The following ANKRD55 variants were observed in gnomAD, a reference collection of about 807,000 sequenced individuals.
ANKRD55 encodes ankyrin repeat domain-containing protein 55.
In ANKRD55, 41 loss-of-function variants were observed where a neutral mutation model predicts 60.6. The ratio of observed to expected loss-of-function variants is 0.68; its 90% CI spans 0.53 to 0.88. The LOEUF (loss-of-function observed/expected upper bound fraction) is 0.88. Ranked by LOEUF, ANKRD55 falls within the 40% of genes least tolerant of loss-of-function variation. The pLI is 0.00. For missense variants in ANKRD55, 732 were observed against 767.6 expected (o/e 0.95, Z 0.55); for synonymous variants, 264 against 290.3 (o/e 0.91, Z 0.92).
At position 56,170,837 on chromosome 5, in the gene ANKRD55, C is replaced by T. The variant is rs772135353; in HGVS notation, c.313-34G>A. ...CAAGAGCAACCACATCATTATATAA[C>T]AGAAGCTCACGTAACATGGTCCAAC... is the stretch of plus-strand genomic sequence containing the variant. On this transcript the variant is annotated intron_variant, in intron 4 of 11. Coordinates refer to ENST00000341048, the MANE Select transcript of ANKRD55 (RefSeq NM_024669.3). 1.8e-5 allele frequency: 28 copies of T among 1,582,050 alleles called. No homozygotes were observed. The African/African-American group carries it at 3.6e-4, about 21-fold the overall frequency.
At chr5:56,208,393 T>C (rs1759566894) in intron 2 of ANKRD55, among the ~76,000 whole-genome samples, 1 of 150,562 alleles carries the variant, frequency 6.6e-6, no homozygotes, top group African/African-American at 2.5e-5. Flanking sequence ...TACATAATTG[T>C]ATGTGTTTTT....
chr5:56,129,671 G>A (rs879644763), intron 7 of ANKRD55, among the ~76,000 whole-genome samples: 2 of 152,172 alleles, frequency 1.3e-5, no homozygotes, highest in South Asian at 2.1e-4. Flanking sequence ...TCTAGTGGGC[G>A]ATTTAAGACT....
At chr5:56,104,997 T>C (rs1357468262) in intron 10 of ANKRD55, among the ~76,000 whole-genome samples, 1 of 152,154 alleles carries the variant, frequency 6.6e-6, no homozygotes, top group Non-Finnish European at 1.5e-5. Flanking sequence ...TGTCTCAATT[T>C]CTTCAGTTAT....
chr5:56,148,818 C>T (rs559895678), intron 6 of ANKRD55, among the ~76,000 whole-genome samples: 5 of 151,292 alleles, frequency 3.3e-5, no homozygotes, highest in African/African-American at 9.7e-5. Flanking sequence ...GTTTGTTCCC[C>T]GTCTTGGTTG....
intron 2 of ANKRD55, among the ~76,000 whole-genome samples, chr5:56,205,086 A>G (rs1269869992): frequency 6.6e-6 from 1 of 151,858 alleles, no homozygotes; most frequent in Non-Finnish European, 1.5e-5. Context: ...TTTGAGACAG[A>G]GTCTCACTCT....
At chr5:56,102,682 T>A in intron 10 of ANKRD55, 96 bp from the exon 11 acceptor site, 1 of 798,182 alleles carries the variant, frequency 1.3e-6, no homozygotes, top group Non-Finnish European at 2.1e-6. Flanking sequence ...TTGTTACAGA[T>A]CACTAAATTT....
intron 2 of ANKRD55, among the ~76,000 whole-genome samples, chr5:56,227,718 T>C (rs867123733): frequency 9.9e-5 from 15 of 152,282 alleles, no homozygotes; most frequent in Middle Eastern, 6.8e-3. Flanking sequence ...CTTGGAATCC[T>C]AGCTTTGCTG....
At chr5:56,166,430 T>TA (rs944098325) in intron 5 of ANKRD55, among the ~76,000 whole-genome samples, 7 of 151,736 alleles carry the variant, frequency 4.6e-5, no homozygotes, top group African/African-American at 1.7e-4. Flanking sequence ...GCTACTTTTT[T>TA]AAAAAAATCA....
At chr5:56,111,854 A>C in intron 9 of ANKRD55, 72 bp from the exon 10 acceptor site, 4 of 1,331,504 alleles carry the variant, frequency 3.0e-6, no homozygotes, top group Non-Finnish European at 2.0e-6. Context: ...CGAAATACCG[A>C]CCCCCTATTC....
chr5:56,166,115 T>TTCTTTC (rs1758455218), intron 5 of ANKRD55, among the ~76,000 whole-genome samples: 2 of 57,926 alleles, frequency 3.5e-5, no homozygotes, highest in Admixed American at 2.0e-4. Flanking sequence ...TCTTTCTTTC[T>TTCTTTC]TTCTTTCTTT....
At chr5:56,127,646 G>T (rs1395621472) in intron 7 of ANKRD55, 1 of 833,256 alleles carries the variant, frequency 1.2e-6, no homozygotes, top group East Asian at 1.2e-4. Context: ...CTGGGAAGCA[G>T]AACTGTCTGA....
intron 2 of ANKRD55, among the ~76,000 whole-genome samples, chr5:56,230,436 T>C (rs1418788575): frequency 6.6e-6 from 1 of 152,228 alleles, no homozygotes; most frequent in Admixed American, 6.5e-5. Flanking sequence ...AACAGGTTAC[T>C]TGATTGCTAA....
chr5:56,117,080 T>C, intron 8 of ANKRD55: 1 of 216,476 alleles, frequency 4.6e-6, no homozygotes, highest in Non-Finnish European at 9.0e-6. Context: ...TCTTTATACA[T>C]AGTGCCAAAC....
chr5:56,151,782 T>C (rs113497838), intron 6 of ANKRD55, among the ~76,000 whole-genome samples: 5,378 of 150,306 alleles, frequency 0.036, 124 homozygotes, highest in Non-Finnish European at 0.054. Context: ...CACTGCATTC[T>C]AGCCTGGGTG....
chr5:56,138,904 G>A (rs1757680546), intron 7 of ANKRD55, among the ~76,000 whole-genome samples: 1 of 152,110 alleles, frequency 6.6e-6, no homozygotes, highest in African/African-American at 2.4e-5. Context: ...CTTTAATGAT[G>A]GATACATGTC....
In ANKRD55 at chr5:56,159,129, C is replaced by T. The variant is rs116278625; in HGVS notation, c.483+704G>A. Among the ~76,000 whole-genome samples, 1,219 of 152,332 alleles carry T rather than the reference C, an allele frequency of 8.0e-3. 11 individuals carry two copies. Among genetic ancestry groups the T allele is most frequent in the Non-Finnish European group, 0.011 (731 of 68,030 alleles). Reference sequence around the variant, plus strand: ...TCCTGAGTAGCTGTGACCACTGGCACGCGCCACTACACCCACCTCTCTGCC... The same window carrying T: ...TCCTGAGTAGCTGTGACCACTGGCATGCGCCACTACACCCACCTCTCTGCC... On this transcript the variant is annotated intron_variant, in intron 6 of 11. Coordinates refer to ENST00000341048, the MANE Select transcript of ANKRD55 (RefSeq NM_024669.3).
At chr5:56,128,827 A>G (rs1036879186) in intron 7 of ANKRD55, among the ~76,000 whole-genome samples, 1 of 152,188 alleles carries the variant, frequency 6.6e-6, no homozygotes, top group African/African-American at 2.4e-5. Context: ...TCCAGGATTG[A>G]CTGTGGAGGC....
intron 2 of ANKRD55, among the ~76,000 whole-genome samples, chr5:56,209,147 G>A (rs1311359696): frequency 1.3e-5 from 2 of 152,078 alleles, no homozygotes; most frequent in Admixed American, 6.5e-5. Flanking sequence ...AGTGGAGACA[G>A]GGTTATGCCA....
intron 1 of ANKRD55, 42 bp from the exon 2 acceptor site, chr5:56,232,988 T>A (rs149489): frequency 7.2e-7 from 1 of 1,386,736 alleles, no homozygotes. Flanking sequence ...ACTGTCAACA[T>A]GACAGTCAGA....
Sources: gnomAD v4.1 joint callset for allele counts (sites outside exome capture counted in the v4.1 genomes callset) on GRCh38, gnomAD v4.1.1 for gene constraint, MANE v1.5 for transcripts, NCBI Gene and HGNC (gene_info 2026-07-23, HGNC 2026-07-21) for gene names.